NFX1: variants seen among roughly 807,000 people sequenced by gnomAD.
NFX1 encodes nuclear transcription factor, X-box binding 1.
In NFX1, 69 loss-of-function variants were observed where a neutral mutation model predicts 137.2. The observed-to-expected ratio is 0.50, with a 90% CI of 0.41 to 0.61. NFX1 has a LOEUF of 0.61. NFX1 is among the 20% of genes least tolerant of loss of function. The pLI, the probability that NFX1 is intolerant of heterozygous loss-of-function variation, is 0.00. For synonymous variants in NFX1, 495 were observed against 474.1 expected, an observed-to-expected ratio of 1.04 and a Z score of -0.57; for missense variants, 1,167 against 1,391.0, an observed-to-expected ratio of 0.84 and a Z score of 2.56.
intron 9 of NFX1, among the ~76,000 whole-genome samples, chr9:33,320,505 G>A (rs560071971): frequency 6.6e-6 from 1 of 152,234 alleles, no homozygotes; most frequent in African/African-American, 2.4e-5. Context: ...TCTTATCAGT[G>A]CTTTTAGTAT....
At chr9:33,340,721 C>T (rs530997402) in intron 12 of NFX1, among the ~76,000 whole-genome samples, 77 of 152,286 alleles carry the variant, frequency 5.1e-4, no homozygotes, top group Non-Finnish European at 7.9e-4. Flanking sequence ...TTGAATGCTT[C>T]GCTACTTAGA....
In NFX1 at chr9:33,354,935, C is replaced by T. The variant is rs202076649; in HGVS notation, c.2873+43C>T. 1.9e-6 allele frequency: 3 copies of T among 1,603,528 alleles called. No homozygotes were observed. In the East Asian group the frequency reaches 6.7e-5, roughly 36 times the overall value. ...CTTTTTTAATCTCCTTGCCCTTGAG[C>T]TCTGTGAAATTAATGGGAGGGAGCA... is the stretch of plus-strand genomic sequence containing the variant. On this transcript the variant is annotated intron_variant, in intron 19 of 23. Coordinates refer to ENST00000379540, the MANE Select transcript of NFX1 (RefSeq NM_002504.6).
At chr9:33,321,371 A>G (rs1822377477) in intron 9 of NFX1, among the ~76,000 whole-genome samples, 1 of 152,184 alleles carries the variant, frequency 6.6e-6, no homozygotes, top group Non-Finnish European at 1.5e-5. Context: ...GGCTAGCGAT[A>G]ACAATGACTG....
chr9:33,300,193 C>A (rs1188234436), intron 2 of NFX1, among the ~76,000 whole-genome samples: 1 of 146,042 alleles, frequency 6.8e-6, no homozygotes, highest in Non-Finnish European at 1.5e-5. Context: ...CCTTGGATTA[C>A]TACTGGGATT....
At position 33,290,560 on chromosome 9, in the gene NFX1, T is replaced by C. The variant is rs751485816; in HGVS notation, c.-13T>C. The C allele has an allele frequency of 1.2e-6, 2 of 1,614,064 alleles. No homozygotes were observed. The highest frequency in any genetic ancestry group is 2.2e-5 in the South Asian group (2 of 91,082). On this transcript the variant is annotated 5_prime_UTR_variant, in exon 1 of 24. Coordinates refer to ENST00000379540, the MANE Select transcript of NFX1 (RefSeq NM_002504.6). The stretch of plus-strand genomic sequence containing the variant: ...CTTGGCTGTACAGCTCGATCTAGGT[T>C]CTGCGGCACGGGATGGCGGAGGCGC...
At chr9:33,363,902 A>C in intron 19 of NFX1, 108 bp from the exon 20 acceptor site, 1 of 593,856 alleles carries the variant, frequency 1.7e-6, no homozygotes, top group Non-Finnish European at 2.8e-6. Context: ...TTACCAAAAT[A>C]GAGATAAATA....
rs775589926 is a variant in NFX1 at position 33,294,827 on chromosome 9, G to A, written c.433G>A (p.Asp145Asn). 2.0e-5 allele frequency: 32 copies of A among 1,614,026 alleles called. No individual in the cohort carries two copies. In the South Asian group the frequency reaches 3.4e-4, roughly 17 times the overall value. The change falls in exon 2 of 24, where the codon GAC becomes AAC. Residue 145 changes from aspartate (D) to asparagine (N), a missense_variant. Coordinates refer to ENST00000379540, the MANE Select transcript of NFX1 (RefSeq NM_002504.6). ...ESSTRSESGTDLREHSPSESE... is the reference protein window; with the variant it reads ...ESSTRSESGTNLREHSPSESE... ...CTCGACCAGATCAGAGAGTGGGACA[G>A]ACCTCAGAGAGCATAGTCCTTCTGA...
chr9:33,332,489 T>C lies in NFX1; in HGVS notation c.2022T>C (p.Ser674=). 6.3e-7 allele frequency: 1 copy of C among 1,586,224 alleles called. No individual in the cohort carries two copies. Among genetic ancestry groups the C allele is most frequent in the Non-Finnish European group, 8.6e-7 (1 of 1,163,290 alleles). ...SFRTKELPCT[S]LKSEDATFMC... The stretch of plus-strand genomic sequence containing the variant: ...TTCCATAGGAGCTTCCATGTACCAG[T>C]CTCAAAAGTGAAGGTATGACTGGGG... The change falls in exon 11 of 24, where the codon AGT becomes AGC. Residue 674 remains serine (S), a synonymous_variant. Coordinates refer to ENST00000379540, the MANE Select transcript of NFX1 (RefSeq NM_002504.6).
At chr9:33,313,164 G>T (rs1296239854) in intron 6 of NFX1, among the ~76,000 whole-genome samples, 1 of 152,050 alleles carries the variant, frequency 6.6e-6, no homozygotes, top group Admixed American at 6.6e-5. Flanking sequence ...TTCTCCTTAC[G>T]CATGCTGCTT....
Position 33,364,120 on chromosome 9 carries a change from G to A in NFX1, c.2972+12G>A. 3.8e-6 allele frequency: 6 copies of A among 1,577,050 alleles called. No individual in the cohort carries two copies. The highest frequency in any genetic ancestry group is 5.2e-6 in the Non-Finnish European group (6 of 1,157,666). On this transcript the variant is annotated intron_variant, in intron 20 of 23. Coordinates refer to ENST00000379540, the MANE Select transcript of NFX1 (RefSeq NM_002504.6). ...AAAGAAGATGCCAGGTATGTAACTT[G>A]TTACCTGCTTTCTTAATTGTGGCTT...
At chr9:33,334,014 G>A (rs1450232057) in intron 11 of NFX1, among the ~76,000 whole-genome samples, 12 of 152,002 alleles carry the variant, frequency 7.9e-5, no homozygotes, top group African/African-American at 1.9e-4. Context: ...GTACAGTGGC[G>A]CACCCCTGTA....
chr9:33,370,554 C>T lies in NFX1; in HGVS notation c.*576C>T, dbSNP rs1219464588. ...TTGCCAAAACCTCTCATAGGTATAT[C>T]TAGCTGAACTTATTTTGGCATTTTC... is the stretch of plus-strand genomic sequence containing the variant. On this transcript the variant is annotated 3_prime_UTR_variant, in exon 24 of 24. Coordinates refer to ENST00000379540, the MANE Select transcript of NFX1 (RefSeq NM_002504.6). The T allele has an allele frequency of 6.6e-6, 1 of 152,464 alleles. No homozygotes were observed. Among genetic ancestry groups the T allele is most frequent in the Non-Finnish European group, 1.5e-5 (1 of 68,236 alleles). The allele number at this position is 152,464 out of a possible 1,614,324, so 9.4% of individuals were successfully genotyped here.
At chr9:33,339,929 G>A (rs1048416866) in intron 12 of NFX1, among the ~76,000 whole-genome samples, 10 of 152,316 alleles carry the variant, frequency 6.6e-5, no homozygotes, top group Admixed American at 3.9e-4. Context: ...GGACAGCTCC[G>A]CCCATGTGGC....
At position 33,358,462 on chromosome 9, in the gene NFX1, G is replaced by A. The variant is rs145402920; in HGVS notation, c.2873+3570G>A. ...TTTTAAATTATTATTATTATTTAAT[G>A]TGACAAGTGTTTTGTTTATTTTGTT... On this transcript the variant is annotated intron_variant, in intron 19 of 23. Coordinates refer to ENST00000379540, the MANE Select transcript of NFX1 (RefSeq NM_002504.6). Among the ~76,000 whole-genome samples, 63 of 151,796 alleles carry A rather than the reference G, an allele frequency of 4.2e-4. 1 individual carries two copies. Among genetic ancestry groups the A allele is most frequent in the African/African-American group, 1.4e-3 (60 of 41,416 alleles).
intron 9 of NFX1, among the ~76,000 whole-genome samples, chr9:33,326,413 TAAAAAAAAAA>T (rs368993458): frequency 2.3e-5 from 2 of 88,792 alleles, no homozygotes; most frequent in African/African-American, 9.0e-5. Context: ...CCTCTGTCTT[TAAAAAAAAAA>T]AAAAAAAAAA....
At chr9:33,324,229 A>C (rs1822494263) in intron 9 of NFX1, among the ~76,000 whole-genome samples, 2 of 152,114 alleles carry the variant, frequency 1.3e-5, no homozygotes, top group African/African-American at 4.8e-5. Flanking sequence ...AAATATAAAA[A>C]TTAGCTGGGT....
chr9:33,309,647 A>G (rs1821892713), intron 5 of NFX1, among the ~76,000 whole-genome samples: 1 of 152,178 alleles, frequency 6.6e-6, no homozygotes, highest in Non-Finnish European at 1.5e-5. Flanking sequence ...AAAGTGACAG[A>G]GACAGGGTCT....
At chr9:33,302,671 G>T (rs1419703637) in intron 3 of NFX1, among the ~76,000 whole-genome samples, 2 of 142,352 alleles carry the variant, frequency 1.4e-5, no homozygotes, top group African/African-American at 5.2e-5. Context: ...TTTTTTGTTT[G>T]TTTTTGTTTT....
intron 9 of NFX1, among the ~76,000 whole-genome samples, chr9:33,320,540 TCC>T (rs1380579218): frequency 1.3e-5 from 2 of 152,158 alleles, no homozygotes; most frequent in African/African-American, 4.8e-5. Flanking sequence ...TTTTAGTAAT[TCC>T]CCCTTTCTTC....
Sources: gnomAD v4.1 joint callset for allele counts (sites outside exome capture counted in the v4.1 genomes callset) on GRCh38, gnomAD v4.1.1 for gene constraint, MANE v1.5 for transcripts, NCBI Gene and HGNC (gene_info 2026-07-23, HGNC 2026-07-21) for gene names.